FHOD3: variants seen among roughly 807,000 people sequenced by gnomAD.
FHOD3 encodes the protein formin homology 2 domain containing 3.
FHOD3 carries 90 observed loss-of-function variants against 173.0 expected under a neutral mutation model. The ratio of observed to expected loss-of-function variants is 0.52; its 90% CI spans 0.44 to 0.62. The LOEUF (loss-of-function observed/expected upper bound fraction) is 0.62, where lower values mean the gene tolerates loss of function less well. Ranked by LOEUF, FHOD3 falls within the 20% of genes least tolerant of loss-of-function variation. The pLI, the probability that FHOD3 is intolerant of heterozygous loss-of-function variation, is 0.00. For missense variants in FHOD3, 1,945 were observed against 2,034.7 expected, an observed-to-expected ratio of 0.96 and a Z score of 0.85; for synonymous variants, 828 against 823.0, an observed-to-expected ratio of 1.01 and a Z score of -0.10.
intron 3 of FHOD3, among the ~76,000 whole-genome samples, chr18:36,494,053 A>G (rs1031235440): frequency 1.3e-5 from 2 of 151,976 alleles, no homozygotes; most frequent in African/African-American, 4.8e-5. Flanking sequence ...CTCCCCCTAC[A>G]TATTCTTTCA....
chr18:36,391,061 A>T (rs1371983847), intron 3 of FHOD3, among the ~76,000 whole-genome samples: 3 of 152,280 alleles, frequency 2.0e-5, no homozygotes, highest in East Asian at 3.9e-4. Context: ...AAAGCCCAGC[A>T]CTCCAACTGT....
intron 3 of FHOD3, among the ~76,000 whole-genome samples, chr18:36,493,262 C>A (rs1249682270): frequency 1.4e-5 from 2 of 144,848 alleles, no homozygotes; most frequent in Non-Finnish European, 1.5e-5. Flanking sequence ...ATAACTCCAA[C>A]AAGCTTCAAA....
chr18:36,536,600 C>T (rs1028086450), intron 5 of FHOD3, among the ~76,000 whole-genome samples: 1 of 152,194 alleles, frequency 6.6e-6, no homozygotes, highest in Non-Finnish European at 1.5e-5. Context: ...ATGCTGCAGC[C>T]ACCTGCCAGA....
At chr18:36,465,088 G>C (rs1420609601) in intron 3 of FHOD3, among the ~76,000 whole-genome samples, 1 of 152,208 alleles carries the variant, frequency 6.6e-6, no homozygotes, top group Non-Finnish European at 1.5e-5. Context: ...AGCACTTTGG[G>C]AGGCTGAGGA....
At position 36,779,536 on chromosome 18, in the gene FHOD3, A is replaced by C. The variant is rs781329054; in HGVS notation, c.*6A>C. The C allele has an allele frequency of 2.2e-5, 35 of 1,613,322 alleles. No homozygotes were observed. The South Asian group carries it at 3.8e-4, about 18-fold the overall frequency. ...CCTCGGAGTTGCAGCTGTGACACTC[A>C]TAGGTTACTCCCAGGAGTGTGCTGA... On this transcript the variant is annotated 3_prime_UTR_variant, in exon 29 of 29. Transcript: ENST00000590592.
chr18:36,362,092 C>G (rs2145880715), intron 2 of FHOD3, among the ~76,000 whole-genome samples: 1 of 152,268 alleles, frequency 6.6e-6, no homozygotes, highest in South Asian at 2.1e-4. Flanking sequence ...TGGAGTCAGA[C>G]AGAAGAAAAA....
intron 3 of FHOD3, among the ~76,000 whole-genome samples, chr18:36,391,426 G>T (rs1353350241): frequency 6.6e-6 from 1 of 152,156 alleles, no homozygotes; most frequent in Admixed American, 6.5e-5. Flanking sequence ...GGGTAGCCTT[G>T]TTCATGGGAA....
chr18:36,546,513 CTT>C (rs1043911009), intron 5 of FHOD3, among the ~76,000 whole-genome samples: 2 of 152,104 alleles, frequency 1.3e-5, no homozygotes, highest in Non-Finnish European at 2.9e-5. Context: ...AGGTGTTAAT[CTT>C]TTGTTTTCTT....
At chr18:36,631,625 C>T (rs1352418756) in intron 10 of FHOD3, among the ~76,000 whole-genome samples, 1 of 152,122 alleles carries the variant, frequency 6.6e-6, no homozygotes, top group Non-Finnish European at 1.5e-5. Flanking sequence ...GATATAGGTA[C>T]TGTAATTAAT....
intron 2 of FHOD3, among the ~76,000 whole-genome samples, chr18:36,358,574 T>C (rs2046467196): frequency 1.3e-5 from 2 of 152,154 alleles, no homozygotes; most frequent in Admixed American, 1.3e-4. Context: ...AAATGAATTA[T>C]GGCAAGATGA....
At chr18:36,355,498 CT>C in intron 1 of FHOD3, 40 bp from the exon 2 acceptor site, 1 of 1,528,282 alleles carries the variant, frequency 6.5e-7, no homozygotes, top group Non-Finnish European at 9.1e-7. Flanking sequence ...TAGTCTCCAT[CT>C]GAGGAGCAGG....
intron 5 of FHOD3, among the ~76,000 whole-genome samples, chr18:36,514,109 C>T (rs1470915128): frequency 6.6e-6 from 1 of 150,522 alleles, no homozygotes; most frequent in African/African-American, 2.4e-5. Flanking sequence ...CCCGGATTCA[C>T]GCCATTCTCC....
At chr18:36,639,788 C>T (rs972122947) in intron 10 of FHOD3, among the ~76,000 whole-genome samples, 3 of 149,848 alleles carry the variant, frequency 2.0e-5, no homozygotes, top group African/African-American at 4.9e-5. Flanking sequence ...GTGCCAGCAA[C>T]GAATATCTGT....
intron 3 of FHOD3, among the ~76,000 whole-genome samples, chr18:36,500,443 G>C (rs1030575523): frequency 3.3e-5 from 5 of 152,192 alleles, no homozygotes; most frequent in African/African-American, 1.2e-4. Context: ...GCACAAGGGG[G>C]GAATGTGGCT....
intron 3 of FHOD3, among the ~76,000 whole-genome samples, chr18:36,457,800 T>A (rs1309744886): frequency 6.6e-6 from 1 of 152,200 alleles, no homozygotes; most frequent in African/African-American, 2.4e-5. Context: ...TGTCACAGCC[T>A]GGAAATAGTC....
chr18:36,465,259 C>T (rs149537840), intron 3 of FHOD3, among the ~76,000 whole-genome samples: 19 of 152,194 alleles, frequency 1.2e-4, no homozygotes, highest in African/African-American at 4.3e-4. Context: ...ACTCGGGAGG[C>T]GGAAGTTGCA....
At chr18:36,744,501 C>G (rs939211907) in intron 23 of FHOD3, among the ~76,000 whole-genome samples, 1 of 152,246 alleles carries the variant, frequency 6.6e-6, no homozygotes, top group East Asian at 1.9e-4. Context: ...TTCTCCAGAA[C>G]GCTGAAACAG....
chr18:36,455,969 T>G (rs2052183818), intron 3 of FHOD3, among the ~76,000 whole-genome samples: 2 of 152,134 alleles, frequency 1.3e-5, no homozygotes, highest in Non-Finnish European at 2.9e-5. Flanking sequence ...GTGCAGAAGG[T>G]CTGCCTGTAG....
In FHOD3 at chr18:36,718,361, A is replaced by AACC; in HGVS notation, c.3063_3064insACC (p.Pro1021_Pro1022insThr). ...TGGGTCACAGGGAGGCCCCTGGGCC[A>AACC]CCTCCCCCACCCCCACCCACCTTTC... On this transcript the variant is annotated inframe_insertion, in exon 19 of 29. Coordinates refer to ENST00000590592, the MANE Select transcript of FHOD3 (RefSeq NM_001281740.3). 1 of 1,329,382 alleles carries AACC rather than the reference A, an allele frequency of 7.5e-7. No homozygotes were observed. The highest frequency in any genetic ancestry group is 1.0e-6 in the Non-Finnish European group (1 of 986,038). The allele number at this position is 1,329,382 out of a possible 1,614,324, so 82.3% of individuals were successfully genotyped here. A position where few individuals can be genotyped will look rare whatever the true frequency, so the allele number is the denominator to read the frequency against.
Sources: gnomAD v4.1 joint callset for allele counts (sites outside exome capture counted in the v4.1 genomes callset) on GRCh38, gnomAD v4.1.1 for gene constraint, MANE v1.5 for transcripts, NCBI Gene and HGNC (gene_info 2026-07-23, HGNC 2026-07-21) for gene names.